Variants in P3H2 observed in about 807,000 individuals in gnomAD.
The protein encoded by P3H2 is leprecan-like 1.
In P3H2, 80 loss-of-function variants were observed where a neutral mutation model predicts 87.0. The observed-to-expected ratio is 0.92, with a 90% confidence interval of 0.77 to 1.11. P3H2 has a LOEUF of 1.11. Ranked by LOEUF, P3H2 falls within the 50% of genes least tolerant of loss-of-function variation. P3H2 has a pLI of 0.00. For missense variants in P3H2, 1,001 were observed against 923.9 expected, an observed-to-expected ratio of 1.08 and a Z score of -1.08; for synonymous variants, 367 against 359.3, an observed-to-expected ratio of 1.02 and a Z score of -0.24.
In P3H2 at chr3:190,120,497, C is replaced by G. The variant is rs962065723; in HGVS notation, c.235G>C (p.Glu79Gln). The change falls in exon 1 of 15, where the codon GAA (glutamate) becomes CAA (glutamine). Residue 79 changes from glutamate (E) to glutamine (Q), a missense_variant. Transcript: ENST00000319332. ...TGGCGGGCACAGCGCGTGCGGATTT[C>G]CCGCAGGCGCCGGTGGCTGCGCAGC... Reference protein sequence around the residue: ...AALRSHRRLREIRTRCARHCA... With the variant: ...AALRSHRRLRQIRTRCARHCA... The G allele has an allele frequency of 1.4e-6, 2 of 1,461,128 alleles. No individual in the cohort carries two copies. Among genetic ancestry groups the G allele is most frequent in the African/African-American group, 1.5e-5 (1 of 68,096 alleles). The allele number at this position is 1,461,128 out of a possible 1,614,324, so 90.5% of individuals were successfully genotyped here. A position where few individuals can be genotyped will look rare whatever the true frequency, so the allele number is the denominator to read the frequency against.
At chr3:190,071,890 A>G (rs1726708840) in intron 1 of P3H2, among the ~76,000 whole-genome samples, 1 of 152,170 alleles carries the variant, frequency 6.6e-6, no homozygotes, top group African/African-American at 2.4e-5. Flanking sequence ...ACTTCAATAA[A>G]ATGGACAAAA....
At position 189,970,798 on chromosome 3, in the gene P3H2, A is replaced by C. The variant is rs758730497; in HGVS notation, c.1893+18T>G. On this transcript the variant is annotated intron_variant, in intron 13 of 14. Transcript: ENST00000319332. The stretch of plus-strand genomic sequence containing the variant: ...GCTAAAACATACTAAATAAGTATTC[A>C]AGAATAGGTTTACTTACAGTCACAG... 6.9e-7 allele frequency: 1 copy of C among 1,458,586 alleles called. No individual in the cohort carries two copies. The highest frequency in any genetic ancestry group is 9.6e-7 in the Non-Finnish European group (1 of 1,038,642). The allele number at this position is 1,458,586 out of a possible 1,614,324, so 90.4% of individuals were successfully genotyped here.
At chr3:190,121,414 T>G, upstream of P3H2, 1 of 146,518 alleles carries the variant, frequency 6.8e-6, no homozygotes, top group African/African-American at 2.5e-5. Context: ...GATGCGGAGG[T>G]TTAAGAAGAT....
In P3H2 at chr3:190,019,899, T is replaced by C. The variant is rs1343008451; in HGVS notation, c.481-24457A>G. 1.5e-4 allele frequency among the ~76,000 whole-genome samples: 20 copies of C among 129,392 alleles called. 5 individuals are homozygous for C. The highest frequency in any genetic ancestry group is 2.8e-4 in the South Asian group (1 of 3,512). 84.9% of individuals were successfully genotyped at this position (129,392 alleles called of 152,430 possible). A position where few individuals can be genotyped will look rare whatever the true frequency, so the allele number is the denominator to read the frequency against. ...CCATCCTGATGACAAGGACTTGCCA[T>C]ATGTTTCATGTTATCTCAAGTGCTT... On this transcript the variant is annotated intron_variant, in intron 1 of 14. Transcript: ENST00000319332.
At chr3:190,032,280 T>C (rs1055103651) in intron 1 of P3H2, among the ~76,000 whole-genome samples, 1 of 152,160 alleles carries the variant, frequency 6.6e-6, no homozygotes, top group Non-Finnish European at 1.5e-5. Context: ...TTTCTGTAGG[T>C]GTGTTGTCAA....
intron 1 of P3H2, among the ~76,000 whole-genome samples, chr3:190,021,808 G>A (rs925042824): frequency 2.2e-5 from 3 of 134,496 alleles, no homozygotes; most frequent in African/African-American, 7.7e-5. Flanking sequence ...TAAAAAATAA[G>A]CATCTCTGAC....
At chr3:189,979,396 C>G (rs1159677741) in intron 8 of P3H2, among the ~76,000 whole-genome samples, 1 of 151,956 alleles carries the variant, frequency 6.6e-6, no homozygotes, top group Non-Finnish European at 1.5e-5. Flanking sequence ...CCACTGTACT[C>G]CAGCTTGGGC....
chr3:190,095,893 C>A (rs942140194), intron 1 of P3H2, among the ~76,000 whole-genome samples: 1 of 152,030 alleles, frequency 6.6e-6, no homozygotes, highest in African/African-American at 2.4e-5. Context: ...TGAGCCACCG[C>A]GCCCGGCCAA....
rs780437634 is a variant in P3H2 at position 190,120,631 on chromosome 3, AGCTCCC to A, written c.95_100del (p.Arg32_Glu33del). On this transcript the variant is annotated inframe_deletion, in exon 1 of 15. Coordinates refer to ENST00000319332, the MANE Select transcript of P3H2 (RefSeq NM_018192.4). ...CTGCAGAGGCCCGGGCTCCAGCTCC[AGCTCCC>A]GGCGTGGGCTGTCCGGGGGGCCGCC... The A allele has an allele frequency of 2.1e-5, 32 of 1,531,176 alleles. No homozygotes were observed. In the Admixed American group the frequency reaches 2.1e-4, roughly 10 times the overall value. 94.8% of individuals were successfully genotyped at this position (1,531,176 alleles called of 1,614,324 possible).
chr3:190,051,372 T>C (rs1369889653), intron 1 of P3H2, among the ~76,000 whole-genome samples: 1 of 149,612 alleles, frequency 6.7e-6, no homozygotes, highest in Admixed American at 6.7e-5. Flanking sequence ...AAGATGTCAT[T>C]TAATCTTTGG....
intron 13 of P3H2, among the ~76,000 whole-genome samples, chr3:189,966,121 GAAAAAGAAAGAA>G (rs1722984185): frequency 1.4e-5 from 1 of 70,742 alleles, no homozygotes; most frequent in African/African-American, 6.7e-5. Context: ...AAGAAAGAAA[GAAAAAGAAAGAA>G]AGAAAGAAAG....
At chr3:190,119,927 G>A (rs981149602) in intron 1 of P3H2, among the ~76,000 whole-genome samples, 2 of 151,890 alleles carry the variant, frequency 1.3e-5, no homozygotes, top group Admixed American at 6.6e-5. Context: ...AGTGAGAAGG[G>A]AGAAGATAAA....
At chr3:190,092,291 C>G (rs766700404) in intron 1 of P3H2, among the ~76,000 whole-genome samples, 4 of 151,552 alleles carry the variant, frequency 2.6e-5, no homozygotes, top group Non-Finnish European at 5.9e-5. Context: ...AGGAGAAATA[C>G]TTCAGCTGAA....
At chr3:190,099,028 G>A (rs1436553475) in intron 1 of P3H2, among the ~76,000 whole-genome samples, 1 of 151,782 alleles carries the variant, frequency 6.6e-6, no homozygotes, top group Non-Finnish European at 1.5e-5. Context: ...CTATAGCTGT[G>A]CTTTTTTTTA....
At chr3:190,059,986 TC>T (rs575566520) in intron 1 of P3H2, among the ~76,000 whole-genome samples, 19 of 152,204 alleles carry the variant, frequency 1.2e-4, no homozygotes, top group Non-Finnish European at 2.5e-4. Flanking sequence ...TTTCCAGGTA[TC>T]TACCTTTTGC....
chr3:190,062,884 C>T (rs1386931398), intron 1 of P3H2, among the ~76,000 whole-genome samples: 1 of 152,076 alleles, frequency 6.6e-6, no homozygotes, highest in Non-Finnish European at 1.5e-5. Flanking sequence ...CTGGTGGGAA[C>T]AGAATACCAG....
chr3:190,022,618 A>T (rs903443596), intron 1 of P3H2, among the ~76,000 whole-genome samples: 1 of 126,494 alleles, frequency 7.9e-6, no homozygotes, highest in Admixed American at 8.2e-5. Flanking sequence ...TTGGCAATTT[A>T]GAGGGTTTCT....
chr3:190,041,070 ACACACACACACTCT>A lies in P3H2; in HGVS notation c.481-45642_481-45629del, dbSNP rs1350884430. On this transcript the variant is annotated intron_variant, in intron 1 of 14. Transcript: ENST00000319332. ...CACACACACACACACACACACACAC[ACACACACACACTCT>A]CTCTCTCTATATATATATATATACT... Among the ~76,000 whole-genome samples the A allele has an allele frequency of 5.1e-3, 239 of 46,602 alleles. 9 individuals are homozygous for A. The highest frequency in any genetic ancestry group is 0.01 in the Middle Eastern group (1 of 98). 30.6% of individuals were successfully genotyped at this position (46,602 alleles called of 152,430 possible).
At chr3:190,058,652 G>T (rs146589937) in intron 1 of P3H2, among the ~76,000 whole-genome samples, 5 of 152,264 alleles carry the variant, frequency 3.3e-5, no homozygotes, top group African/African-American at 1.2e-4. Flanking sequence ...TGGGCAGAAG[G>T]GCGACCTGCT....
Sources: allele counts gnomAD v4.1 joint callset (sites outside exome capture counted in the v4.1 genomes callset), GRCh38; gene constraint gnomAD v4.1.1; transcripts MANE v1.5; gene names NCBI Gene and HGNC (gene_info 2026-07-23, HGNC 2026-07-21).